SPATA17: variants seen among roughly 807,000 people sequenced by gnomAD.
SPATA17 encodes the protein spermatogenesis associated 17, also known as spermatogenesis-associated protein 17.
In SPATA17, 53 loss-of-function variants were observed where a neutral mutation model predicts 62.2. The observed-to-expected ratio is 0.85, with a 90% CI of 0.68 to 1.07. SPATA17 has a LOEUF of 1.07. Among genes scored for constraint, SPATA17 ranks in the 50% least tolerant of loss-of-function variants. SPATA17 has a pLI of 0.00. For missense variants in SPATA17, 466 were observed against 425.5 expected (o/e 1.10, Z -0.84); for synonymous variants, 146 against 146.8 (o/e 0.99, Z 0.04).
At chr1:217,652,162 A>G (rs1670329969) in intron 3 of SPATA17, among the ~76,000 whole-genome samples, 1 of 152,228 alleles carries the variant, frequency 6.6e-6, no homozygotes, top group African/African-American at 2.4e-5. Context: ...TTCTGTTTCT[A>G]CTATGCTGTG....
At chr1:217,656,038 C>G (rs181655646) in intron 3 of SPATA17, among the ~76,000 whole-genome samples, 1 of 152,024 alleles carries the variant, frequency 6.6e-6, no homozygotes, top group African/African-American at 2.4e-5. Context: ...CCCCACCCCC[C>G]ACGCCCGGCT....
chr1:217,674,585 C>A (rs1229953737), intron 4 of SPATA17, among the ~76,000 whole-genome samples: 1 of 152,214 alleles, frequency 6.6e-6, no homozygotes, highest in Non-Finnish European at 1.5e-5. Context: ...TGCAGCCACT[C>A]TAGGTGTGTT....
chr1:217,742,070 A>T lies in SPATA17; in HGVS notation c.491A>T (p.Lys164Met), dbSNP rs1166097893. The T allele has an allele frequency of 6.2e-7, 1 of 1,614,164 alleles. No individual in the cohort carries two copies. The highest frequency in any genetic ancestry group is 8.5e-7 in the Non-Finnish European group (1 of 1,180,028). Residue 164 changes from lysine to methionine, a missense_variant, in exon 6 of 11, where the codon AAG (lysine) becomes ATG (methionine). By Grantham distance (95) the Lys-to-Met change is moderately conservative (BLOSUM62 -1). Transcript: ENST00000366933. ...AAGAAAAGAGATTACCAAGCCCGAA[A>T]GATGCATTACCTCCTCAGCACAAAG... ...EEKKRDYQAR[K>M]MHYLLSTKQI...
At chr1:217,853,684 A>G (rs530384056) in intron 9 of SPATA17, among the ~76,000 whole-genome samples, 1 of 152,318 alleles carries the variant, frequency 6.6e-6, no homozygotes, top group Non-Finnish European at 1.5e-5. Context: ...CGTTTCTGCT[A>G]GACTTTGGTC....
intron 3 of SPATA17, among the ~76,000 whole-genome samples, chr1:217,667,652 A>G (rs1238530109): frequency 6.6e-6 from 1 of 152,204 alleles, no homozygotes; most frequent in Non-Finnish European, 1.5e-5. Context: ...TAACTAAACA[A>G]TGATATGATA....
At chr1:217,720,671 T>C (rs1173259529) in intron 5 of SPATA17, among the ~76,000 whole-genome samples, 1 of 152,152 alleles carries the variant, frequency 6.6e-6, no homozygotes, top group East Asian at 1.9e-4. Flanking sequence ...GCTAAGACTT[T>C]TACACATAAA....
intron 6 of SPATA17, among the ~76,000 whole-genome samples, chr1:217,749,406 T>C (rs1672844200): frequency 6.6e-6 from 1 of 152,162 alleles, no homozygotes; most frequent in Non-Finnish European, 1.5e-5. Context: ...GCAGCCTGAT[T>C]TTGAGCATTC....
At chr1:217,862,066 A>C (rs972714897) in intron 9 of SPATA17, among the ~76,000 whole-genome samples, 2 of 151,182 alleles carry the variant, frequency 1.3e-5, no homozygotes, top group African/African-American at 4.9e-5. Context: ...ATGTTTTCTT[A>C]AGAAAAAAAA....
chr1:217,826,146 T>G (rs1674997368), intron 9 of SPATA17, among the ~76,000 whole-genome samples: 1 of 152,090 alleles, frequency 6.6e-6, no homozygotes. Flanking sequence ...AGGGTCAGTT[T>G]CTGGTGAGGT....
intron 8 of SPATA17, among the ~76,000 whole-genome samples, chr1:217,787,890 T>C (rs1262582691): frequency 6.6e-6 from 1 of 152,218 alleles, no homozygotes; most frequent in African/African-American, 2.4e-5. Flanking sequence ...GTACTTCTTA[T>C]TTATGGGATA....
intron 1 of SPATA17, among the ~76,000 whole-genome samples, chr1:217,642,994 T>C (rs1670099369): frequency 6.6e-6 from 1 of 152,200 alleles, no homozygotes; most frequent in African/African-American, 2.4e-5. Flanking sequence ...CACATTGCTA[T>C]TATGTTGCTG....
At chr1:217,735,634 G>C (rs1010415508) in intron 5 of SPATA17, among the ~76,000 whole-genome samples, 4 of 152,114 alleles carry the variant, frequency 2.6e-5, no homozygotes, top group Admixed American at 2.6e-4. Context: ...AGAAATAAAG[G>C]ATTCATAATC....
intron 9 of SPATA17, among the ~76,000 whole-genome samples, chr1:217,812,115 C>A (rs2102992509): frequency 6.6e-6 from 1 of 152,178 alleles, no homozygotes; most frequent in African/African-American, 2.4e-5. Flanking sequence ...TTACTCTTCC[C>A]ATTATATTTT....
chr1:217,712,817 G>A (rs866449873), intron 5 of SPATA17, among the ~76,000 whole-genome samples: 3 of 152,068 alleles, frequency 2.0e-5, no homozygotes, highest in Admixed American at 1.3e-4. Context: ...GCTCAGCAGG[G>A]GATGTTTTGG....
chr1:217,859,176 A>G (rs931132189), intron 9 of SPATA17, among the ~76,000 whole-genome samples: 3 of 146,590 alleles, frequency 2.0e-5, no homozygotes, highest in Admixed American at 6.8e-5. Context: ...AATTTTATAT[A>G]ATATAAAATT....
At chr1:217,714,736 C>T (rs1310033185) in intron 5 of SPATA17, among the ~76,000 whole-genome samples, 1 of 151,958 alleles carries the variant, frequency 6.6e-6, no homozygotes, top group African/African-American at 2.4e-5. Context: ...CCGCCCGCCT[C>T]GGCCTCCCAA....
chr1:217,637,434 C>T (rs1669966919), intron 1 of SPATA17, among the ~76,000 whole-genome samples: 1 of 152,100 alleles, frequency 6.6e-6, no homozygotes, highest in African/African-American at 2.4e-5. Context: ...TTTCTAAGAT[C>T]AGGTTGAGAA....
chr1:217,826,988 CT>C (rs1418134620), intron 9 of SPATA17, among the ~76,000 whole-genome samples: 1 of 152,010 alleles, frequency 6.6e-6, no homozygotes, highest in East Asian at 1.9e-4. Context: ...ATTTAGTGAT[CT>C]TTTTTATGTC....
chr1:217,757,154 G>C (rs182029624), intron 6 of SPATA17, among the ~76,000 whole-genome samples: 300 of 152,312 alleles, frequency 2.0e-3, no homozygotes, highest in Non-Finnish European at 3.5e-3. Flanking sequence ...AATCAGGGTG[G>C]AAACTTGGCT....
Sources: gnomAD v4.1 joint callset for allele counts (sites outside exome capture counted in the v4.1 genomes callset) on GRCh38, gnomAD v4.1.1 for gene constraint, MANE v1.5 for transcripts, NCBI Gene and HGNC (gene_info 2026-07-23, HGNC 2026-07-21) for gene names.